EPB41L3: variants seen among roughly 807,000 people sequenced by gnomAD.
EPB41L3 encodes erythrocyte membrane protein band 4.1 like 3, also known as band 4.1-like protein 3.
Under a neutral mutation model 127.1 loss-of-function variants are expected in EPB41L3, and 57 were observed. The observed-to-expected ratio is 0.45, with a 90% CI of 0.36 to 0.56. The LOEUF (loss-of-function observed/expected upper bound fraction) is 0.56. EPB41L3 is among the 20% of genes least tolerant of loss of function. The pLI, the probability that EPB41L3 is intolerant of heterozygous loss-of-function variation, is 0.00. For synonymous variants in EPB41L3, 572 were observed against 549.5 expected (o/e 1.04, Z -0.57); for missense variants, 1,273 against 1,372.2 (o/e 0.93, Z 1.14).
chr18:5,478,129 T>G (rs2087622246), intron 3 of EPB41L3, 112 bp downstream of exon 3: 1 of 862,540 alleles, frequency 1.2e-6, no homozygotes, highest in Admixed American at 2.8e-5. Context: ...GAGACTGGGT[T>G]TGAGTAATTT....
At position 5,416,037 on chromosome 18, in the gene EPB41L3, G is replaced by A. The variant is rs899989694; in HGVS notation, c.1848C>T (p.Leu616=). 4.3e-6 allele frequency: 7 copies of A among 1,613,862 alleles called. No individual in the cohort carries two copies. Among genetic ancestry groups the A allele is most frequent in the Non-Finnish European group, 5.1e-6 (6 of 1,179,924 alleles). ...LSFPNLSETN[L]LPQSLQHYLP... ...GGTAATGCTGCAAGCTCTGGGGCAG[G>A]AGGTTGGTTTCAGAAAGGTTGGGGA... Residue 616 remains leucine, a synonymous_variant, in exon 13 of 23, where the codon CTC becomes CTT. Transcript: ENST00000341928.
At chr18:5,565,718 G>A (rs1158102702) in intron 3 of EPB41L3, among the ~76,000 whole-genome samples, 1 of 147,510 alleles carries the variant, frequency 6.8e-6, no homozygotes, top group African/African-American at 2.5e-5. Context: ...AACATGCAGT[G>A]TTTGGTTTTT....
rs1046157942 is a variant in EPB41L3 at position 5,396,175 on chromosome 18, G to A, written c.2973+26C>T. On this transcript the variant is annotated intron_variant, in intron 19 of 22. Coordinates refer to ENST00000341928, the MANE Select transcript of EPB41L3 (RefSeq NM_012307.5). Reference sequence around the variant, plus strand: ...TAGAGGGGTGAAATAAGCAGCCAGGGCTCTGGTCTTCACAGAATATCTCAC... The same window carrying A: ...TAGAGGGGTGAAATAAGCAGCCAGGACTCTGGTCTTCACAGAATATCTCAC... 7 of 1,613,752 alleles carry A rather than the reference G, an allele frequency of 4.3e-6. No individual in the cohort carries two copies. In the African/African-American group the frequency reaches 8.0e-5, roughly 18 times the overall value.
chr18:5,568,427 TAAAA>T (rs555002375), intron 3 of EPB41L3, among the ~76,000 whole-genome samples: 2 of 109,302 alleles, frequency 1.8e-5, no homozygotes, highest in Non-Finnish European at 1.8e-5. Flanking sequence ...CTCTGGATAG[TAAAA>T]AAAAAAAAAA....
intron 3 of EPB41L3, among the ~76,000 whole-genome samples, chr18:5,469,917 T>C (rs1486429840): frequency 2.0e-5 from 3 of 151,988 alleles, no homozygotes; most frequent in Admixed American, 2.0e-4. Context: ...GTAGCTGGGA[T>C]TACATGAATG....
At chr18:5,628,545 C>A (rs1037472225) in intron 1 of EPB41L3, among the ~76,000 whole-genome samples, 2 of 152,230 alleles carry the variant, frequency 1.3e-5, no homozygotes, top group African/African-American at 4.8e-5. Context: ...CGCCAGAGCC[C>A]GGCGTCTTCC....
intron 5 of EPB41L3, among the ~76,000 whole-genome samples, chr18:5,442,667 T>G (rs2080949451): frequency 6.6e-6 from 1 of 152,214 alleles, no homozygotes. Context: ...TAACTAGAAT[T>G]AGTTGTTTGG....
intron 3 of EPB41L3, among the ~76,000 whole-genome samples, chr18:5,566,772 C>CCA (rs2094209118): frequency 4.8e-5 from 7 of 146,254 alleles, no homozygotes; most frequent in Admixed American, 7.0e-5. Flanking sequence ...CTATTCTATT[C>CCA]TATTCTATTC....
chr18:5,595,700 AT>A (rs1359484710), intron 3 of EPB41L3, among the ~76,000 whole-genome samples: 1 of 152,080 alleles, frequency 6.6e-6, no homozygotes, highest in East Asian at 1.9e-4. Context: ...TACATACTTG[AT>A]TTTTAAAAAA....
intron 3 of EPB41L3, among the ~76,000 whole-genome samples, chr18:5,467,241 C>A (rs2085164651): frequency 6.6e-6 from 1 of 152,208 alleles, no homozygotes; most frequent in South Asian, 2.1e-4. Flanking sequence ...TCTTCTCACT[C>A]AAAATGCATT....
chr18:5,497,978 T>C (rs1253966465), intron 1 of EPB41L3, among the ~76,000 whole-genome samples: 1 of 152,234 alleles, frequency 6.6e-6, no homozygotes, highest in Non-Finnish European at 1.5e-5. Context: ...GATGCTGCCA[T>C]TATCAGAAAC....
intron 9 of EPB41L3, 137 bp from the exon 10 acceptor site, chr18:5,424,496 C>T: frequency 1.7e-6 from 1 of 594,780 alleles, no homozygotes; most frequent in Non-Finnish European, 2.9e-6. Flanking sequence ...ATGCATAATT[C>T]ATGCTATACA....
chr18:5,396,246 T>A lies in EPB41L3; in HGVS notation c.2928A>T (p.Pro976=). 1.9e-6 allele frequency: 3 copies of A among 1,614,258 alleles called. No individual in the cohort carries two copies. Among genetic ancestry groups the A allele is most frequent in the Non-Finnish European group, 2.5e-6 (3 of 1,180,040 alleles). ...VKLEISTKEV[P]VVHTETKTIT... is the part of the protein sequence containing the mutation. Reference sequence around the variant, plus strand: ...TGGTTTTGGTTTCGGTGTGAACTACTGGCACTTCCTTCGTGGAAATTTCTA... The same window carrying A: ...TGGTTTTGGTTTCGGTGTGAACTACAGGCACTTCCTTCGTGGAAATTTCTA... The change falls in exon 19 of 23, where the codon CCA becomes CCT. Residue 976 remains proline, a synonymous_variant. Coordinates refer to ENST00000341928, the MANE Select transcript of EPB41L3 (RefSeq NM_012307.5).
intron 8 of EPB41L3, among the ~76,000 whole-genome samples, chr18:5,429,660 TA>T (rs1399482064): frequency 6.6e-6 from 1 of 152,310 alleles, no homozygotes; most frequent in East Asian, 1.9e-4. Context: ...ATAATTGGTT[TA>T]AAATGAAATA....
chr18:5,612,265 C>G (rs942053322), intron 3 of EPB41L3: 2 of 152,170 alleles, frequency 1.3e-5, no homozygotes, highest in African/African-American at 4.8e-5. Context: ...GAAATTTTGT[C>G]TTATTCTCAG....
intron 5 of EPB41L3, among the ~76,000 whole-genome samples, chr18:5,442,921 T>C (rs915991227): frequency 2.2e-4 from 33 of 152,182 alleles, no homozygotes; most frequent in African/African-American, 7.5e-4. Flanking sequence ...GATTATGCTA[T>C]AGATAATATT....
intron 3 of EPB41L3, among the ~76,000 whole-genome samples, chr18:5,564,055 C>G (rs1598997569): frequency 6.6e-6 from 1 of 152,092 alleles, no homozygotes; most frequent in Non-Finnish European, 1.5e-5. Context: ...GCAGATCTAA[C>G]TAAGTCTTGT....
Position 5,400,781 on chromosome 18 carries a change from A to G in EPB41L3, c.2350-2638T>C, listed in dbSNP as rs958029341. On this transcript the variant is annotated intron_variant, in intron 16 of 22. Coordinates refer to ENST00000341928, the MANE Select transcript of EPB41L3 (RefSeq NM_012307.5). ...ATTAGAAGCCATGAAGAAATGATGCATAACTGATAACTAAAATATTAAGAA... is the reference window on the plus strand; with the variant it reads ...ATTAGAAGCCATGAAGAAATGATGCGTAACTGATAACTAAAATATTAAGAA... 55 of 580,898 alleles carry G rather than the reference A, an allele frequency of 9.5e-5. No homozygotes were observed. In the Admixed American group the frequency reaches 1.1e-3, roughly 12 times the overall value. The allele number at this position is 580,898 out of a possible 1,614,324, so 36.0% of individuals were successfully genotyped here. A position where few individuals can be genotyped will look rare whatever the true frequency, so the allele number is the denominator to read the frequency against.
chr18:5,592,705 G>A (rs969006959), intron 3 of EPB41L3, among the ~76,000 whole-genome samples: 4 of 152,152 alleles, frequency 2.6e-5, no homozygotes, highest in Non-Finnish European at 5.9e-5. Context: ...ACAGAAGTCT[G>A]GACAGCTCAG....
Sources: allele counts gnomAD v4.1 joint callset (sites outside exome capture counted in the v4.1 genomes callset), GRCh38; gene constraint gnomAD v4.1.1; transcripts MANE v1.5; gene names NCBI Gene and HGNC (gene_info 2026-07-23, HGNC 2026-07-21).